The following TDRD1 variants were observed in gnomAD, a reference collection of about 807,000 sequenced individuals.
The protein encoded by TDRD1 is tudor domain-containing protein 1.
Under a neutral mutation model 140.6 loss-of-function variants are expected in TDRD1, and 37 were observed. The observed-to-expected ratio is 0.26, with a 90% CI of 0.20 to 0.35. The LOEUF is 0.35. Among genes scored for constraint, TDRD1 ranks in the 10% least tolerant of loss-of-function variants. The pLI, the probability that TDRD1 is intolerant of heterozygous loss-of-function variation, is 1.00. For synonymous variants in TDRD1, 506 were observed against 475.7 expected (o/e 1.06, Z -0.83); for missense variants, 1,243 against 1,393.0 (o/e 0.89, Z 1.71).
chr10:114,199,455 G>A (rs2034584207), intron 4 of TDRD1, 138 bp downstream of exon 4: 8 of 1,045,622 alleles, frequency 7.7e-6, no homozygotes, highest in Non-Finnish European at 1.1e-5. Context: ...CTCAGCAGCT[G>A]TCAGCATCCT....
At chr10:114,213,367 T>G (rs775596614) in exon 15 of TDRD1, 14 of 1,612,944 alleles carry the variant, frequency 8.7e-6, no homozygotes. Flanking sequence ...TCATTAGGAA[T>G]TTGGACTCCA....
At chr10:114,188,684 C>A (rs2120187297) in intron 2 of TDRD1, among the ~76,000 whole-genome samples, 1 of 152,042 alleles carries the variant, frequency 6.6e-6, no homozygotes. Context: ...TGGTGAAACC[C>A]CATCTCTACT....
upstream of TDRD1, among the ~76,000 whole-genome samples, chr10:114,177,834 C>CTTTTTTTTTTTTTTT (rs34189756): frequency 7.6e-6 from 1 of 131,120 alleles, no homozygotes; most frequent in African/African-American, 2.9e-5. Context: ...CTTTCTTTTT[C>CTTTTTTTTTTTTTTT]TTTTTTTTTT....
exon 2 of TDRD1, chr10:114,187,905 C>T (rs1283908037): frequency 1.9e-6 from 3 of 1,612,928 alleles, no homozygotes; most frequent in Non-Finnish European, 2.5e-6. Context: ...ATGACAGAGC[C>T]ATTTAATTTT....
intron 11 of TDRD1, among the ~76,000 whole-genome samples, chr10:114,209,684 T>A (rs930144150): frequency 6.6e-6 from 1 of 152,216 alleles, no homozygotes; most frequent in Non-Finnish European, 1.5e-5. Context: ...TTCCTAGATA[T>A]GAAATTCCCT....
exon 2 of TDRD1, chr10:114,187,833 T>A (rs758010831): frequency 1.3e-6 from 2 of 1,570,732 alleles, no homozygotes; most frequent in East Asian, 4.5e-5. Flanking sequence ...TAGGCCTCGA[T>A]GAGTGTTAAA....
intron 3 of TDRD1, among the ~76,000 whole-genome samples, chr10:114,195,614 C>T (rs1019567354): frequency 2.0e-5 from 3 of 152,140 alleles, no homozygotes; most frequent in African/African-American, 4.8e-5. Context: ...AATGCAGCCA[C>T]TCATATTTTT....
intron 3 of TDRD1, among the ~76,000 whole-genome samples, chr10:114,192,693 G>A (rs2034072348): frequency 6.6e-6 from 1 of 152,066 alleles, no homozygotes; most frequent in African/African-American, 2.4e-5. Context: ...AATTGCTCCA[G>A]TGCCATCTGT....
intron 11 of TDRD1, among the ~76,000 whole-genome samples, chr10:114,206,865 C>T (rs1261997570): frequency 6.6e-6 from 1 of 152,188 alleles, no homozygotes; most frequent in Non-Finnish European, 1.5e-5. Flanking sequence ...ATTCGCCCGC[C>T]TCAGCCTCCC....
chr10:114,216,481 A>C (rs948029617), intron 16 of TDRD1, among the ~76,000 whole-genome samples: 2 of 152,324 alleles, frequency 1.3e-5, no homozygotes, highest in African/African-American at 2.4e-5. Flanking sequence ...TAAGGACATT[A>C]AACTAGATAA....
At position 114,190,956 on chromosome 10, in the gene TDRD1, C is replaced by T. The variant is rs2033917471; in HGVS notation, c.326-5C>T. 2 of 1,613,378 alleles carry T rather than the reference C, an allele frequency of 1.2e-6. No individual in the cohort carries two copies. The highest frequency in any genetic ancestry group is 1.7e-6 in the Non-Finnish European group (2 of 1,179,640). On this transcript the variant is annotated splice_polypyrimidine_tract_variant and splice_region_variant and intron_variant, in intron 2 of 25. Coordinates refer to ENST00000251864, the Ensembl canonical transcript of TDRD1. ...TTTATTTGAAATTGTGTTTTTCCTC[C>T]CCAGGAAACTCAGTGTCACCACCAA...
At chr10:114,221,541 T>G in intron 20 of TDRD1, 65 bp downstream of exon 20, 3 of 1,486,556 alleles carry the variant, frequency 2.0e-6, no homozygotes, top group Non-Finnish European at 2.8e-6. Context: ...AAAGTGCTGG[T>G]CTTGAATTCC....
At chr10:114,214,047 A>G (rs760197323) in exon 16 of TDRD1, 96 of 1,611,898 alleles carry the variant, frequency 6.0e-5, no homozygotes, top group Non-Finnish European at 7.8e-5. Context: ...TTGACCAAAC[A>G]GTAGATGTTG....
chr10:114,210,651 A>C, exon 12 of TDRD1: 4 of 1,612,338 alleles, frequency 2.5e-6, no homozygotes, highest in African/African-American at 1.3e-5. Context: ...ACCTAATCCC[A>C]AAAGTGTTAA....
chr10:114,211,121 A>C (rs1305371754), intron 13 of TDRD1, among the ~76,000 whole-genome samples, 154 bp downstream of exon 13: 1 of 152,212 alleles, frequency 6.6e-6, no homozygotes, highest in Non-Finnish European at 1.5e-5. Context: ...TTTTAAATAG[A>C]TCAAATTAAA....
rs35826066 is a variant in TDRD1 at position 114,220,565 on chromosome 10, T to C, written c.2495-3T>C. 0.15 allele frequency: 244,080 copies of C among 1,605,556 alleles called. 20,028 individuals carry two copies. Among genetic ancestry groups the C allele is most frequent in the Middle Eastern group, 0.22 (1,314 of 6,032 alleles). On this transcript the variant is annotated splice_polypyrimidine_tract_variant and splice_region_variant and intron_variant, in intron 18 of 25. Coordinates refer to ENST00000251864, the Ensembl canonical transcript of TDRD1. Reference sequence around the variant, plus strand: ...TCTTTTTACTGCTGTCCTTATTTTCTAGATATACAGTCTAGAAACAAACAT... The same window carrying C: ...TCTTTTTACTGCTGTCCTTATTTTCCAGATATACAGTCTAGAAACAAACAT...
At chr10:114,226,921 T>G in intron 22 of TDRD1, 151 bp from the exon 23 acceptor site, 1 of 569,514 alleles carries the variant, frequency 1.8e-6, no homozygotes. Context: ...TGAATAAATT[T>G]GTCTTTTGTA....
chr10:114,199,324 A>G lies in TDRD1; in HGVS notation c.529+7A>G. ...CATCGCTGTGGCCTATTTGGTAAGCATATTGTTCTTGGGTGTCTGAATTCT... is the reference window on the plus strand; with the variant it reads ...CATCGCTGTGGCCTATTTGGTAAGCGTATTGTTCTTGGGTGTCTGAATTCT... On this transcript the variant is annotated splice_region_variant and intron_variant, in intron 4 of 25. Coordinates refer to ENST00000251864, the Ensembl canonical transcript of TDRD1. 6.3e-7 allele frequency: 1 copy of G among 1,590,096 alleles called. No homozygotes were observed. Among genetic ancestry groups the G allele is most frequent in the South Asian group, 1.2e-5 (1 of 86,130 alleles).
At chr10:114,188,272 T>G in intron 2 of TDRD1, 116 bp downstream of exon 2, 2 of 846,100 alleles carry the variant, frequency 2.4e-6, no homozygotes, top group East Asian at 2.6e-5. Context: ...ATGACTACCT[T>G]ACCGTATTTG....
Sources: allele counts gnomAD v4.1 joint callset (sites outside exome capture counted in the v4.1 genomes callset), GRCh38; gene constraint gnomAD v4.1.1; transcripts MANE v1.5; gene names NCBI Gene and HGNC (gene_info 2026-07-23, HGNC 2026-07-21).